Variants in DISC1 observed in about 807,000 individuals in gnomAD.
The protein encoded by DISC1 is disrupted in schizophrenia 1 protein.
DISC1 carries 57 observed loss-of-function variants against 84.5 expected under a neutral mutation model. The observed-to-expected ratio is 0.67, with a 90% CI of 0.55 to 0.84. The LOEUF (loss-of-function observed/expected upper bound fraction) is 0.84, where lower values mean the gene tolerates loss of function less well. Among genes scored for constraint, DISC1 ranks in the 40% least tolerant of loss-of-function variants. The pLI is 0.00. For missense variants in DISC1, 1,000 were observed against 1,057.8 expected (o/e 0.95, Z 0.76); for synonymous variants, 411 against 415.2 (o/e 0.99, Z 0.12).
chr1:231,938,866 A>C (rs1353703418), intron 9 of DISC1, among the ~76,000 whole-genome samples: 1 of 152,202 alleles, frequency 6.6e-6, no homozygotes, highest in African/African-American at 2.4e-5. Flanking sequence ...TGTTAAAAAC[A>C]CATCTAACCC....
At chr1:231,717,506 A>G (rs2068926893) in intron 3 of DISC1, among the ~76,000 whole-genome samples, 1 of 152,172 alleles carries the variant, frequency 6.6e-6, no homozygotes, top group African/African-American at 2.4e-5. Flanking sequence ...TCACTGAGCC[A>G]TAGGCGTGGG....
chr1:231,775,063 A>G (rs2076859318), intron 6 of DISC1, among the ~76,000 whole-genome samples: 1 of 152,212 alleles, frequency 6.6e-6, no homozygotes, highest in African/African-American at 2.4e-5. Flanking sequence ...AAAACCTTGA[A>G]GTCTTATAAA....
At chr1:231,999,108 A>G (rs1172122495) in intron 10 of DISC1, among the ~76,000 whole-genome samples, 3 of 152,158 alleles carry the variant, frequency 2.0e-5, no homozygotes. Context: ...GATCCACCCA[A>G]TGGAAAGTAG....
intron 1 of DISC1, among the ~76,000 whole-genome samples, chr1:231,651,829 G>A (rs754221402): frequency 3.9e-5 from 6 of 152,204 alleles, no homozygotes; most frequent in Non-Finnish European, 5.9e-5. Flanking sequence ...CTGTTGCCTC[G>A]CAGGTCGATC....
chr1:231,879,428 C>A (rs558929719), intron 9 of DISC1, among the ~76,000 whole-genome samples: 1 of 152,078 alleles, frequency 6.6e-6, no homozygotes, highest in South Asian at 2.1e-4. Context: ...ACCAGCAATG[C>A]ATGAGAGCTC....
chr1:231,834,761 G>A (rs1330091866), intron 9 of DISC1, among the ~76,000 whole-genome samples: 2 of 151,968 alleles, frequency 1.3e-5, no homozygotes, highest in African/African-American at 2.4e-5. Context: ...GAAGGGATGG[G>A]GGGTTCTTGC....
intron 6 of DISC1, among the ~76,000 whole-genome samples, chr1:231,791,285 G>C (rs935855676): frequency 1.3e-5 from 2 of 152,182 alleles, no homozygotes; most frequent in African/African-American, 4.8e-5. Flanking sequence ...CAGCTTCTGG[G>C]AGCGGTAGTT....
At chr1:231,693,622 A>G (rs1193070443) in intron 1 of DISC1, among the ~76,000 whole-genome samples, 1 of 152,120 alleles carries the variant, frequency 6.6e-6, no homozygotes, top group Non-Finnish European at 1.5e-5. Context: ...TGCTGTGTTG[A>G]TTTCTACATG....
At chr1:232,033,850 G>A (rs961577036) in intron 12 of DISC1, among the ~76,000 whole-genome samples, 17 of 152,152 alleles carry the variant, frequency 1.1e-4, no homozygotes, top group Non-Finnish European at 2.9e-5. Flanking sequence ...GGAAAATAAA[G>A]CTGTTTCCCT....
chr1:231,910,517 T>C (rs2089110617), intron 9 of DISC1, among the ~76,000 whole-genome samples: 1 of 152,242 alleles, frequency 6.6e-6, no homozygotes, highest in East Asian at 1.9e-4. Context: ...AGCTCTAGTT[T>C]GATTGCACTG....
At chr1:231,822,325 G>C (rs1041567428) in intron 9 of DISC1, among the ~76,000 whole-genome samples, 1 of 152,130 alleles carries the variant, frequency 6.6e-6, no homozygotes, top group Admixed American at 6.5e-5. Context: ...ATCTGTGTAG[G>C]GTGATCCATA....
intron 10 of DISC1, among the ~76,000 whole-genome samples, chr1:231,994,856 A>C (rs79294949): frequency 0.032 from 4,932 of 152,234 alleles, 262 homozygotes; most frequent in African/African-American, 0.11. Context: ...ATCACCTTCT[A>C]ACTAACAATC....
chr1:231,891,876 C>G lies in DISC1; in HGVS notation c.1982-66952C>G, dbSNP rs372167487. ...TCCATGTTTGAGAAGTAGCCATAACCTGCGGCCTTCCCCTTTCTACAATGC... is the reference window on the plus strand; with the variant it reads ...TCCATGTTTGAGAAGTAGCCATAACGTGCGGCCTTCCCCTTTCTACAATGC... On this transcript the variant is annotated intron_variant, in intron 9 of 12. Coordinates refer to ENST00000439617, the MANE Select transcript of DISC1 (RefSeq NM_018662.3). Among the ~76,000 whole-genome samples, 5 of 152,282 alleles carry G rather than the reference C, an allele frequency of 3.3e-5. No homozygotes were observed. In the East Asian group the frequency reaches 9.7e-4, roughly 29 times the overall value.
chr1:232,021,882 G>A (rs1485559374), intron 11 of DISC1, among the ~76,000 whole-genome samples: 1 of 152,160 alleles, frequency 6.6e-6, no homozygotes, highest in Non-Finnish European at 1.5e-5. Flanking sequence ...CCATCTGAAG[G>A]TTCAGTCCTT....
chr1:231,776,607 C>CG (rs1178688021), intron 6 of DISC1, among the ~76,000 whole-genome samples: 2 of 152,160 alleles, frequency 1.3e-5, no homozygotes, highest in Non-Finnish European at 1.5e-5. Flanking sequence ...GGCTCCCTGG[C>CG]GGGGGGCACT....
intron 6 of DISC1, among the ~76,000 whole-genome samples, chr1:231,776,604 T>C (rs1471536806): frequency 1.3e-5 from 2 of 152,200 alleles, no homozygotes; most frequent in Non-Finnish European, 2.9e-5. Flanking sequence ...CAGGGCTCCC[T>C]GGCGGGGGGC....
At chr1:231,713,762 G>A (rs1162494476) in intron 3 of DISC1, among the ~76,000 whole-genome samples, 3 of 135,830 alleles carry the variant, frequency 2.2e-5, no homozygotes, top group Non-Finnish European at 3.1e-5. Flanking sequence ...ATATATATAG[G>A]AGATATATAT....
intron 9 of DISC1, among the ~76,000 whole-genome samples, chr1:231,829,602 G>A (rs1322782): frequency 6.6e-6 from 1 of 152,090 alleles, no homozygotes; most frequent in Non-Finnish European, 1.5e-5. Flanking sequence ...TCCACCTGCC[G>A]TGGCTTCCAA....
chr1:231,930,412 A>G (rs187984873), intron 9 of DISC1, among the ~76,000 whole-genome samples: 1 of 152,258 alleles, frequency 6.6e-6, no homozygotes, highest in East Asian at 1.9e-4. Context: ...GTACACATTA[A>G]ACTTATCTAA....
Sources: allele counts gnomAD v4.1 joint callset (sites outside exome capture counted in the v4.1 genomes callset), GRCh38; gene constraint gnomAD v4.1.1; transcripts MANE v1.5; gene names NCBI Gene and HGNC (gene_info 2026-07-23, HGNC 2026-07-21).